Variants in OR6N1 observed in about 807,000 individuals in gnomAD.
OR6N1 encodes olfactory receptor 6N1.
For missense variants in OR6N1, 394 were observed against 371.7 expected (o/e 1.06, Z -0.49); for synonymous variants, 170 against 150.7 (o/e 1.13, Z -0.94).
chr1:158,817,152 A>G, the OR6N1 span, among the ~76,000 whole-genome samples: 1 of 152,246 alleles, frequency 6.6e-6, no homozygotes, highest in Non-Finnish European at 1.5e-5. Flanking sequence ...GCTGACATAA[A>G]CCAGAAATAT....
chr1:158,837,251 AT>A, the OR6N1 span, among the ~76,000 whole-genome samples: 1 of 151,684 alleles, frequency 6.6e-6, no homozygotes, highest in African/African-American at 2.4e-5. Flanking sequence ...TTCAATATTT[AT>A]TTTTTCCAAA....
rs857827 is a variant in OR6N1, at chr1:158,766,102, A to G, written c.581T>C (p.Ile194Thr). The G allele has an allele frequency of 0.71, 1,144,188 of 1,613,890 alleles. 409,954 individuals are homozygous for G. Among genetic ancestry groups the G allele is most frequent in the Admixed American group, 0.78 (46,826 of 60,014 alleles). ...TATAACAAAATCTACTAGGACATTT[A>G]TAGACGTATCAGTGCAAGCCAAACT... is the stretch of plus-strand genomic sequence containing the variant. ...VLSLACTDTSINVLVDFVINS... is the reference protein window; with the variant it reads ...VLSLACTDTSTNVLVDFVINS... Residue 194 changes from isoleucine to threonine, a missense_variant, in exon 2 of 2, where the codon ATA becomes ACA. By Grantham distance (89) the Ile-to-Thr change is moderately conservative. Transcript: ENST00000641846.
At chr1:158,784,826 T>C in the OR6N1 span, among the ~76,000 whole-genome samples, 1 of 152,184 alleles carries the variant, frequency 6.6e-6, no homozygotes, top group African/African-American at 2.4e-5. Context: ...TATCTGTTGA[T>C]AGACCCCAAC....
At chr1:158,820,678 G>A in the OR6N1 span, among the ~76,000 whole-genome samples, 4 of 152,158 alleles carry the variant, frequency 2.6e-5, no homozygotes, top group African/African-American at 9.7e-5. Flanking sequence ...TTTTATTTGT[G>A]TGGAGTAAGA....
chr1:158,824,356 G>A, the OR6N1 span, among the ~76,000 whole-genome samples: 5 of 152,124 alleles, frequency 3.3e-5, no homozygotes, highest in African/African-American at 1.2e-4. Context: ...GGAACTGTAA[G>A]TCCAATAAAC....
the OR6N1 span, among the ~76,000 whole-genome samples, chr1:158,802,151 A>C: frequency 6.7e-6 from 1 of 150,358 alleles, no homozygotes; most frequent in Non-Finnish European, 1.5e-5. Context: ...AATCCCAGGG[A>C]CACTGCCTCT....
At chr1:158,785,863 CT>C in the OR6N1 span, among the ~76,000 whole-genome samples, 2 of 152,122 alleles carry the variant, frequency 1.3e-5, no homozygotes, top group Non-Finnish European at 2.9e-5. Context: ...AGCAGACAAA[CT>C]TTTTCTTAAA....
the OR6N1 span, among the ~76,000 whole-genome samples, chr1:158,805,987 C>T: frequency 1.3e-5 from 2 of 152,108 alleles, no homozygotes; most frequent in African/African-American, 2.4e-5. Flanking sequence ...TCAAGAATTG[C>T]TATAACAGTT....
chr1:158,814,173 T>C, the OR6N1 span, among the ~76,000 whole-genome samples: 1 of 152,200 alleles, frequency 6.6e-6, no homozygotes, highest in Non-Finnish European at 1.5e-5. Context: ...GATGATCAAC[T>C]ATATGAACAT....
At chr1:158,778,857 A>C in the OR6N1 span, among the ~76,000 whole-genome samples, 2 of 151,616 alleles carry the variant, frequency 1.3e-5, no homozygotes, top group Admixed American at 6.6e-5. Context: ...TACTAAAAAT[A>C]CAAAAAAAAA....
chr1:158,766,671 C>A lies in OR6N1; in HGVS notation c.12G>T (p.Gly4=). The A allele has an allele frequency of 6.2e-7, 1 of 1,609,238 alleles. No individual in the cohort carries two copies. Among genetic ancestry groups the A allele is most frequent in the Non-Finnish European group, 8.5e-7 (1 of 1,178,366 alleles). ...TGAATTCTGCTACCTGGCTCCAGTTCCCTGTGTCCATTGCTCACCATTCAT... is the reference window on the plus strand; with the variant it reads ...TGAATTCTGCTACCTGGCTCCAGTTACCTGTGTCCATTGCTCACCATTCAT... MDT[G]NWSQVAEFII... The change falls in exon 2 of 2, where the codon GGG becomes GGT. Residue 4 remains glycine, a synonymous_variant. Coordinates refer to ENST00000641846, the MANE Select transcript of OR6N1 (RefSeq NM_001005185.2).
At chr1:158,777,543 C>T in the OR6N1 span, 3 of 1,614,080 alleles carry the variant, frequency 1.9e-6, no homozygotes, top group Non-Finnish European at 2.5e-6. Flanking sequence ...ATGCCAATAG[C>T]AGCAGGACAA....
At chr1:158,798,358 A>C in the OR6N1 span, among the ~76,000 whole-genome samples, 1 of 151,610 alleles carries the variant, frequency 6.6e-6, no homozygotes, top group Middle Eastern at 3.4e-3. Flanking sequence ...TTTAAATAAT[A>C]TTAAATTTAA....
chr1:158,822,851 T>C, the OR6N1 span, among the ~76,000 whole-genome samples: 2 of 152,230 alleles, frequency 1.3e-5, no homozygotes, highest in Non-Finnish European at 2.9e-5. Flanking sequence ...GGGTTTCTCA[T>C]AGAAGGCTCT....
the OR6N1 span, among the ~76,000 whole-genome samples, chr1:158,826,721 A>C: frequency 6.6e-6 from 1 of 152,224 alleles, no homozygotes; most frequent in Non-Finnish European, 1.5e-5. Context: ...TCATTTGAAG[A>C]AAATGTGGAC....
the OR6N1 span, among the ~76,000 whole-genome samples, chr1:158,824,712 G>A: frequency 6.6e-6 from 1 of 152,198 alleles, no homozygotes; most frequent in Non-Finnish European, 1.5e-5. Flanking sequence ...AACAAGCAAT[G>A]GGGAAAGGAC....
At chr1:158,819,403 C>T in the OR6N1 span, among the ~76,000 whole-genome samples, 13 of 152,284 alleles carry the variant, frequency 8.5e-5, no homozygotes, top group African/African-American at 2.4e-4. Context: ...TTAATCCAGG[C>T]TCTGCTACTA....
the OR6N1 span, among the ~76,000 whole-genome samples, chr1:158,822,719 G>A: frequency 1.3e-5 from 2 of 152,164 alleles, no homozygotes; most frequent in South Asian, 4.1e-4. Flanking sequence ...TTGCCCGATT[G>A]TTCTGGCCAG....
the OR6N1 span, among the ~76,000 whole-genome samples, chr1:158,797,398 G>T: frequency 6.6e-6 from 1 of 152,142 alleles, no homozygotes. Flanking sequence ...ATAAAAATCC[G>T]ATTCTATCAC....
Sources: allele counts gnomAD v4.1 joint callset (sites outside exome capture counted in the v4.1 genomes callset), GRCh38; gene constraint gnomAD v4.1.1; transcripts MANE v1.5; gene names NCBI Gene and HGNC (gene_info 2026-07-23, HGNC 2026-07-21).